CSMD1: variants seen among roughly 807,000 people sequenced by gnomAD.
CSMD1 encodes the protein CUB and sushi domain-containing protein 1.
In CSMD1, 213 loss-of-function variants were observed where a neutral mutation model predicts 417.5. That is an observed-to-expected ratio of 0.51 (90% CI 0.46 to 0.57). CSMD1 has a LOEUF of 0.57. Ranked by LOEUF, CSMD1 falls within the 20% of genes least tolerant of loss-of-function variation. The pLI, the probability that CSMD1 is intolerant of heterozygous loss-of-function variation, is 0.00. For synonymous variants in CSMD1, 2,862 were observed against 1,736.8 expected, an observed-to-expected ratio of 1.65 and a Z score of -16.11; for missense variants, 6,923 against 4,529.7, an observed-to-expected ratio of 1.53 and a Z score of -15.17.
chr8:4,270,967 C>T (rs1000873934), intron 3 of CSMD1, among the ~76,000 whole-genome samples: 4 of 152,128 alleles, frequency 2.6e-5, no homozygotes, highest in African/African-American at 9.7e-5. Flanking sequence ...AAACTGTCAC[C>T]GCGTTCACTC....
At chr8:4,791,095 T>G (rs575797953) in intron 1 of CSMD1, among the ~76,000 whole-genome samples, 248 of 133,046 alleles carry the variant, frequency 1.9e-3, no homozygotes, top group African/African-American at 4.9e-3. Flanking sequence ...AGAGAGACGG[T>G]GAGAAGAGAC....
intron 1 of CSMD1, among the ~76,000 whole-genome samples, chr8:4,830,723 G>T (rs967794655): frequency 1.3e-5 from 2 of 152,334 alleles, no homozygotes; most frequent in Admixed American, 1.3e-4. Flanking sequence ...CTGTGTCATT[G>T]TATCTTCGCT....
chr8:3,166,808 C>T (rs2129042130), intron 37 of CSMD1, among the ~76,000 whole-genome samples: 1 of 152,172 alleles, frequency 6.6e-6, no homozygotes, highest in Non-Finnish European at 1.5e-5. Flanking sequence ...CAAAACGTAA[C>T]TATGATAGGA....
chr8:3,527,296 C>A (rs987901693), intron 10 of CSMD1, among the ~76,000 whole-genome samples: 1 of 152,174 alleles, frequency 6.6e-6, no homozygotes, highest in Non-Finnish European at 1.5e-5. Context: ...GCTAATCTGA[C>A]ATCATATTCA....
At chr8:3,419,577 C>G (rs951348977) in intron 12 of CSMD1, among the ~76,000 whole-genome samples, 4 of 152,070 alleles carry the variant, frequency 2.6e-5, no homozygotes, top group Non-Finnish European at 1.5e-5. Flanking sequence ...AATTCTGAAA[C>G]CTGGAAAATC....
At chr8:3,040,387 AAT>A (rs35722761) in intron 50 of CSMD1, among the ~76,000 whole-genome samples, 7,259 of 137,452 alleles carry the variant, frequency 0.053, 250 homozygotes, top group African/African-American at 0.1. Flanking sequence ...TACACATTGA[AAT>A]ATATATATAT....
At chr8:3,685,883 C>A (rs1387261055) in intron 7 of CSMD1, among the ~76,000 whole-genome samples, 1 of 152,140 alleles carries the variant, frequency 6.6e-6, no homozygotes, top group African/African-American at 2.4e-5. Context: ...TCCCATCAAA[C>A]ATTTATTGTT....
intron 37 of CSMD1, among the ~76,000 whole-genome samples, chr8:3,177,703 G>A (rs1240017908): frequency 1.3e-5 from 2 of 152,126 alleles, no homozygotes; most frequent in African/African-American, 4.8e-5. Context: ...GGGCCCGTGT[G>A]TTCAATCTTG....
intron 5 of CSMD1, among the ~76,000 whole-genome samples, chr8:3,930,403 T>C (rs1159630086): frequency 1.3e-5 from 2 of 150,706 alleles, no homozygotes; most frequent in Non-Finnish European, 3.0e-5. Flanking sequence ...GGCATGCTTA[T>C]ACTGGTCCAA....
chr8:4,540,570 G>A (rs1797331549), intron 2 of CSMD1, among the ~76,000 whole-genome samples: 1 of 152,062 alleles, frequency 6.6e-6, no homozygotes, highest in Non-Finnish European at 1.5e-5. Context: ...AATGAAAACA[G>A]ATTATTTTAA....
intron 49 of CSMD1, among the ~76,000 whole-genome samples, chr8:3,056,566 C>A (rs1204787261): frequency 6.6e-6 from 1 of 151,936 alleles, no homozygotes; most frequent in Non-Finnish European, 1.5e-5. Context: ...GACTGAGTCC[C>A]ACTATGTTAC....
At chr8:4,562,102 A>G (rs912740565) in intron 2 of CSMD1, among the ~76,000 whole-genome samples, 2 of 152,232 alleles carry the variant, frequency 1.3e-5, no homozygotes, top group African/African-American at 4.8e-5. Context: ...GTTCCCTGAT[A>G]GAGGAGGGAA....
chr8:3,165,079 TG>T (rs1820125076), intron 37 of CSMD1, among the ~76,000 whole-genome samples: 1 of 152,002 alleles, frequency 6.6e-6, no homozygotes, highest in Non-Finnish European at 1.5e-5. Flanking sequence ...GTGTTTAACA[TG>T]GCCAGACTCA....
At position 3,828,622 on chromosome 8, in the gene CSMD1, A is replaced by T. The variant is rs75149468; in HGVS notation, c.819-74580T>A. Among the ~76,000 whole-genome samples, 160 of 152,170 alleles carry T rather than the reference A, an allele frequency of 1.1e-3. 1 individual carries two copies. Among genetic ancestry groups the T allele is most frequent in the African/African-American group, 3.8e-3 (157 of 41,518 alleles). On this transcript the variant is annotated intron_variant, in intron 5 of 69. Transcript: ENST00000635120. ...TTTTCTTCCATTTCTTCCTGTCCCAATCCCAGTCATCGTCACACCTATTTT... is the reference window on the plus strand; with the variant it reads ...TTTTCTTCCATTTCTTCCTGTCCCATTCCCAGTCATCGTCACACCTATTTT...
intron 1 of CSMD1, among the ~76,000 whole-genome samples, chr8:4,780,902 T>G (rs1388274551): frequency 6.6e-6 from 1 of 152,208 alleles, no homozygotes; most frequent in African/African-American, 2.4e-5. Context: ...TGTTCATTCA[T>G]TCCTTATTGT....
rs1253053952 is a variant in CSMD1, at chr8:4,163,858, A to G, written c.416-131759T>C. 3.9e-5 allele frequency among the ~76,000 whole-genome samples: 6 copies of G among 152,306 alleles called. No individual in the cohort carries two copies. The East Asian group carries it at 1.2e-3, about 29-fold the overall frequency. Reference sequence around the variant, plus strand: ...ATTAATTCAAAAATTACTACTCTAAATACCATGCCATGAAAAGAGAAACAC... The same window carrying G: ...ATTAATTCAAAAATTACTACTCTAAGTACCATGCCATGAAAAGAGAAACAC... On this transcript the variant is annotated intron_variant, in intron 3 of 69. Transcript: ENST00000635120.
intron 7 of CSMD1, among the ~76,000 whole-genome samples, chr8:3,676,907 A>G (rs1332995715): frequency 6.6e-6 from 1 of 152,122 alleles, no homozygotes; most frequent in Non-Finnish European, 1.5e-5. Flanking sequence ...ACAAGAACAG[A>G]AAACCAAACA....
At chr8:3,708,604 G>A (rs1187932706) in intron 6 of CSMD1, 113 bp from the exon 7 acceptor site, 10 of 812,628 alleles carry the variant, frequency 1.2e-5, no homozygotes, top group South Asian at 3.0e-5. Flanking sequence ...CCCGAAAATG[G>A]GAAATGTTCT....
chr8:4,699,926 GATACAC>G (rs1345307087), intron 1 of CSMD1, among the ~76,000 whole-genome samples: 1 of 152,168 alleles, frequency 6.6e-6, no homozygotes, highest in Non-Finnish European at 1.5e-5. Context: ...TCCCTATCTG[GATACAC>G]AAGCTAGGAT....
Sources: gnomAD v4.1 joint callset for allele counts (sites outside exome capture counted in the v4.1 genomes callset) on GRCh38, gnomAD v4.1.1 for gene constraint, MANE v1.5 for transcripts, NCBI Gene and HGNC (gene_info 2026-07-23, HGNC 2026-07-21) for gene names.